Variants in ABLIM1 observed in about 807,000 individuals in gnomAD.
ABLIM1 encodes actin binding LIM protein 1.
In ABLIM1, 40 loss-of-function variants were observed where a neutral mutation model predicts 107.0. The ratio of observed to expected loss-of-function variants is 0.37; its 90% confidence interval spans 0.29 to 0.49. ABLIM1 has a LOEUF of 0.49. Among genes scored for constraint, ABLIM1 ranks in the 20% least tolerant of loss-of-function variants. ABLIM1 has a pLI of 0.97. For synonymous variants in ABLIM1, 357 were observed against 357.3 expected (o/e 1.00, Z 0.01); for missense variants, 857 against 1,008.5 (o/e 0.85, Z 2.04).
chr10:114,760,226 T>C (rs929582754), intron 1 of ABLIM1, among the ~76,000 whole-genome samples: 3 of 152,170 alleles, frequency 2.0e-5, no homozygotes, highest in Admixed American at 2.0e-4. Flanking sequence ...ACACTGTCTA[T>C]TATATTGTCT....
chr10:114,535,396 T>C (rs1257938111), intron 6 of ABLIM1, among the ~76,000 whole-genome samples: 1 of 152,146 alleles, frequency 6.6e-6, no homozygotes, highest in Non-Finnish European at 1.5e-5. Flanking sequence ...CCGCAGCCTC[T>C]GCCTCCCAGG....
At chr10:114,766,393 T>A (rs963747461) in intron 1 of ABLIM1, among the ~76,000 whole-genome samples, 6 of 152,122 alleles carry the variant, frequency 3.9e-5, no homozygotes, top group Non-Finnish European at 8.8e-5. Context: ...CTCCAAACCA[T>A]CCTGCTTGAA....
intron 1 of ABLIM1, among the ~76,000 whole-genome samples, chr10:114,729,992 C>G (rs1332502555): frequency 1.3e-5 from 2 of 152,114 alleles, no homozygotes; most frequent in Admixed American, 6.6e-5. Flanking sequence ...ACTTTTCATA[C>G]AAACGGTTGT....
chr10:114,615,616 T>C (rs1351413745), intron 1 of ABLIM1: 1 of 453,420 alleles, frequency 2.2e-6, no homozygotes, highest in African/African-American at 2.0e-5. Flanking sequence ...TATAAATGCA[T>C]GTTCAATATG....
rs550154047 is a variant in ABLIM1 at position 114,450,410 on chromosome 10, C to T, written c.1594+1214G>A. Among the ~76,000 whole-genome samples the T allele has an allele frequency of 6.0e-5, 9 of 150,162 alleles. No individual in the cohort carries two copies. In the South Asian group the frequency reaches 1.3e-3, roughly 21 times the overall value. On this transcript the variant is annotated intron_variant, in intron 14 of 22. Coordinates refer to ENST00000533213, the MANE Select transcript of ABLIM1 (RefSeq NM_002313.7). ...TGTTATTTGATTTTGATTTTCACAT[C>T]GTCCTAATTCTTCTTTCTTTCTTTC...
intron 2 of ABLIM1, among the ~76,000 whole-genome samples, chr10:114,581,219 A>C (rs547031006): frequency 6.6e-6 from 1 of 152,218 alleles, no homozygotes; most frequent in African/African-American, 2.4e-5. Flanking sequence ...GGAGCTGCCC[A>C]TGTAGTAAAA....
intron 12 of ABLIM1, among the ~76,000 whole-genome samples, chr10:114,453,760 G>T (rs186996791): frequency 6.6e-6 from 1 of 152,292 alleles, no homozygotes; most frequent in East Asian, 1.9e-4. Context: ...CTGTGAGCTC[G>T]CAGCAAACTG....
At chr10:114,533,197 C>T (rs2065631253) in intron 6 of ABLIM1, among the ~76,000 whole-genome samples, 1 of 151,908 alleles carries the variant, frequency 6.6e-6, no homozygotes, top group South Asian at 2.1e-4. Context: ...AAAAATTAGC[C>T]AGGGGTGGTG....
At chr10:114,694,134 C>A (rs2081147013) in intron 1 of ABLIM1, among the ~76,000 whole-genome samples, 1 of 152,282 alleles carries the variant, frequency 6.6e-6, no homozygotes, top group East Asian at 1.9e-4. Flanking sequence ...AATTTATACT[C>A]AAATTGTGAA....
At chr10:114,668,719 T>C (rs566724988) in intron 1 of ABLIM1, among the ~76,000 whole-genome samples, 46 of 152,072 alleles carry the variant, frequency 3.0e-4, no homozygotes, top group Non-Finnish European at 4.4e-4. Flanking sequence ...GCCATTTAGA[T>C]AAGAAACACA....
intron 1 of ABLIM1, among the ~76,000 whole-genome samples, chr10:114,749,696 C>T (rs1388802696): frequency 6.6e-6 from 1 of 152,088 alleles, no homozygotes; most frequent in Non-Finnish European, 1.5e-5. Context: ...ATGACTGCTC[C>T]CCCACGCCCC....
At chr10:114,684,149 T>C in intron 1 of ABLIM1, 2 of 799,506 alleles carry the variant, frequency 2.5e-6, no homozygotes. Context: ...CAGAAATAGA[T>C]TGTAAAACAA....
intron 19 of ABLIM1, among the ~76,000 whole-genome samples, chr10:114,440,615 ATTTGTTGTTGTTGTT>A (rs1193407062): frequency 6.6e-6 from 1 of 151,726 alleles, no homozygotes; most frequent in East Asian, 1.9e-4. Context: ...AATTATTATA[ATTTGTTGTTGTTGTT>A]TTTGTTGTTG....
At chr10:114,497,007 C>T (rs575520319) in intron 6 of ABLIM1, among the ~76,000 whole-genome samples, 1 of 152,276 alleles carries the variant, frequency 6.6e-6, no homozygotes, top group East Asian at 1.9e-4. Flanking sequence ...GACGGCAGTG[C>T]ATATGCAAAT....
intron 1 of ABLIM1, among the ~76,000 whole-genome samples, chr10:114,635,295 T>C (rs2140843987): frequency 6.6e-6 from 1 of 152,354 alleles, no homozygotes; most frequent in African/African-American, 2.4e-5. Context: ...CAGTCACTCT[T>C]GGCAAAAATT....
At chr10:114,472,909 G>A (rs2066865099) in intron 10 of ABLIM1, 68 bp downstream of exon 10, 2 of 1,422,058 alleles carry the variant, frequency 1.4e-6, no homozygotes, top group Non-Finnish European at 1.9e-6. Context: ...CCAAATGGTA[G>A]TTATTACAAA....
At chr10:114,654,936 G>C (rs2079430532) in intron 1 of ABLIM1, among the ~76,000 whole-genome samples, 1 of 152,146 alleles carries the variant, frequency 6.6e-6, no homozygotes, top group African/African-American at 2.4e-5. Context: ...TCCTCAGGCT[G>C]GTGTGGCATT....
chr10:114,488,454 T>C (rs548605873), intron 7 of ABLIM1, among the ~76,000 whole-genome samples: 1 of 152,226 alleles, frequency 6.6e-6, no homozygotes, highest in Admixed American at 6.5e-5. Context: ...GTCAACCAGA[T>C]AGTCTATGTC....
At chr10:114,534,742 C>T (rs2065817968) in intron 6 of ABLIM1, among the ~76,000 whole-genome samples, 1 of 152,170 alleles carries the variant, frequency 6.6e-6, no homozygotes, top group South Asian at 2.1e-4. Context: ...CCTGCTTACA[C>T]ATTTCAGCCA....
Sources: allele counts gnomAD v4.1 joint callset (sites outside exome capture counted in the v4.1 genomes callset), GRCh38; gene constraint gnomAD v4.1.1; transcripts MANE v1.5; gene names NCBI Gene and HGNC (gene_info 2026-07-23, HGNC 2026-07-21).